The following SLC28A1 variants were observed in gnomAD, a reference collection of about 807,000 sequenced individuals.
SLC28A1 encodes the protein solute carrier family 28 member 1, also known as sodium/nucleoside cotransporter 1.
A neutral mutation model predicts 74.8 loss-of-function variants in SLC28A1; 64 were observed. That is an observed-to-expected ratio of 0.86 (90% CI 0.70 to 1.05). The LOEUF (loss-of-function observed/expected upper bound fraction) is 1.05, where lower values mean the gene tolerates loss of function less well. Ranked by LOEUF, SLC28A1 falls within the 50% of genes least tolerant of loss-of-function variation. The pLI is 0.00. For synonymous variants in SLC28A1, 359 were observed against 335.0 expected, an observed-to-expected ratio of 1.07 and a Z score of -0.78; for missense variants, 828 against 822.8, an observed-to-expected ratio of 1.01 and a Z score of -0.08.
At chr15:84,938,758 A>T (rs990701197) in intron 15 of SLC28A1, among the ~76,000 whole-genome samples, 1 of 152,150 alleles carries the variant, frequency 6.6e-6, no homozygotes, top group African/African-American at 2.4e-5. Context: ...AACAAGAAAA[A>T]AAAAAACAGG....
rs533502198 is a variant in SLC28A1 at position 84,945,255 on chromosome 15, C to A, written c.*55C>A. On this transcript the variant is annotated 3_prime_UTR_variant, in exon 19 of 19. Coordinates refer to ENST00000394573, the MANE Select transcript of SLC28A1 (RefSeq NM_004213.5). ...CTGAGGGCTGTTCTCCCCCGGGAACCATCTGTCCCCACCTTCCCTTTCCCA... is the reference window on the plus strand; with the variant it reads ...CTGAGGGCTGTTCTCCCCCGGGAACAATCTGTCCCCACCTTCCCTTTCCCA... 2.0e-6 allele frequency: 3 copies of A among 1,518,534 alleles called. No homozygotes were observed. The South Asian group carries it at 3.4e-5, about 17-fold the overall frequency. 94.1% of individuals were successfully genotyped at this position (1,518,534 alleles called of 1,614,324 possible).
At chr15:84,916,630 A>T (rs1004954769) in intron 9 of SLC28A1, among the ~76,000 whole-genome samples, 1 of 152,176 alleles carries the variant, frequency 6.6e-6, no homozygotes, top group Non-Finnish European at 1.5e-5. Context: ...CCCACTTGGT[A>T]TTCCACAGGC....
chr15:84,967,458 C>G, the SLC28A1 span, among the ~76,000 whole-genome samples: 3 of 152,246 alleles, frequency 2.0e-5, no homozygotes, highest in Non-Finnish European at 4.4e-5. Flanking sequence ...GCCTGACCCC[C>G]TGTCATGCTC....
the SLC28A1 span, among the ~76,000 whole-genome samples, chr15:84,955,489 TCG>T: frequency 2.6e-5 from 4 of 152,134 alleles, no homozygotes; most frequent in Non-Finnish European, 4.4e-5. Flanking sequence ...CTTGGAACAC[TCG>T]CGCTGCAGTC....
intron 6 of SLC28A1, among the ~76,000 whole-genome samples, chr15:84,900,871 C>CAAGGAAGGAAGGAAGGAAGGAAGG (rs60285824): frequency 8.7e-4 from 127 of 146,468 alleles, no homozygotes; most frequent in Middle Eastern, 3.4e-3. Flanking sequence ...GGGTGAAAGG[C>CAAGGAAGGAAGGAAGGAAGGAAGG]AAGGAAGGAA....
In SLC28A1 at chr15:84,928,642, G is replaced by A. The variant is rs543316426; in HGVS notation, c.1084-4503G>A. On this transcript the variant is annotated intron_variant, in intron 12 of 18. Transcript: ENST00000394573. Reference sequence around the variant, plus strand: ...TTTCTTTCTTTCTTTCTTTTTTTTTGAGACAGAGTCTCCCTCTGTCGCCCA... The same window carrying A: ...TTTCTTTCTTTCTTTCTTTTTTTTTAAGACAGAGTCTCCCTCTGTCGCCCA... Among the ~76,000 whole-genome samples, 123 of 75,326 alleles carry A rather than the reference G, an allele frequency of 1.6e-3. 3 individuals are homozygous for A. The highest frequency in any genetic ancestry group is 6.2e-3 in the African/African-American group (115 of 18,688). 49.4% of individuals were successfully genotyped at this position (75,326 alleles called of 152,430 possible).
intron 10 of SLC28A1, 116 bp from the exon 11 acceptor site, chr15:84,920,873 G>A: frequency 3.7e-6 from 3 of 805,758 alleles, no homozygotes; most frequent in Non-Finnish European, 6.6e-6. Flanking sequence ...TAGATGAAGG[G>A]GTCCTACACT....
chr15:84,899,540 A>T (rs1411266414), intron 6 of SLC28A1, among the ~76,000 whole-genome samples: 1 of 152,232 alleles, frequency 6.6e-6, no homozygotes, highest in Non-Finnish European at 1.5e-5. Context: ...AGAGGAGCAG[A>T]AATGGATTAC....
At chr15:84,918,701 C>T (rs1330728936) in intron 10 of SLC28A1, 97 bp downstream of exon 10, 7 of 914,974 alleles carry the variant, frequency 7.7e-6, no homozygotes, top group African/African-American at 4.9e-5. Flanking sequence ...GCCCAAACCT[C>T]CCCAGACACA....
intron 6 of SLC28A1, 33 bp from the exon 7 acceptor site, chr15:84,904,064 T>C: frequency 6.2e-7 from 1 of 1,614,084 alleles, no homozygotes; most frequent in Non-Finnish European, 8.5e-7. Context: ...GGTGCAATGC[T>C]GAGGGTAATG....
Position 84,945,330 on chromosome 15 carries a change from A to C in SLC28A1, c.*130A>C. On this transcript the variant is annotated 3_prime_UTR_variant, in exon 19 of 19. Coordinates refer to ENST00000394573, the MANE Select transcript of SLC28A1 (RefSeq NM_004213.5). The stretch of plus-strand genomic sequence containing the variant: ...GACTTAGACCCAGCTCAATCCCACA[A>C]TTGGGAAGGGTTCATGGAGTGAGTG... 14 of 807,730 alleles carry C rather than the reference A, an allele frequency of 1.7e-5. No homozygotes were observed. Among genetic ancestry groups the C allele is most frequent in the East Asian group, 5.3e-5 (2 of 37,674 alleles). The allele number at this position is 807,730 out of a possible 1,614,324, so 50.0% of individuals were successfully genotyped here.
the SLC28A1 span, among the ~76,000 whole-genome samples, chr15:84,966,790 A>G: frequency 6.6e-6 from 1 of 152,140 alleles, no homozygotes; most frequent in Non-Finnish European, 1.5e-5. Context: ...GACCTGCCCC[A>G]TGATTCAATT....
chr15:84,970,852 A>AAAAAC, the SLC28A1 span, among the ~76,000 whole-genome samples: 1 of 152,114 alleles, frequency 6.6e-6, no homozygotes, highest in African/African-American at 2.4e-5. Context: ...AACAAAAACA[A>AAAAAC]AAAACAAAAC....
chr15:84,955,448 C>G, the SLC28A1 span, among the ~76,000 whole-genome samples: 1 of 152,212 alleles, frequency 6.6e-6, no homozygotes, highest in Non-Finnish European at 1.5e-5. Flanking sequence ...AGTAAAGTAG[C>G]AAAGTCATGA....
In SLC28A1 at chr15:84,888,430, GGGTGCATGGTGCCCT is replaced by G. The variant is rs1219556398; in HGVS notation, c.97-340_97-326del. On this transcript the variant is annotated intron_variant, in intron 3 of 18. Transcript: ENST00000394573. ...CACCCAAAACAGCTCCACAGACGGT[GGGTGCATGGTGCCCT>G]GAGGTCATGTGATGAGGTAGCCCTG... 1.0e-4 allele frequency among the ~76,000 whole-genome samples: 15 copies of G among 150,400 alleles called. 1 individual carries two copies. The highest frequency in any genetic ancestry group is 2.6e-4 in the Admixed American group (4 of 15,126).
chr15:84,927,575 A>G (rs1030921919), intron 12 of SLC28A1, among the ~76,000 whole-genome samples: 3 of 152,180 alleles, frequency 2.0e-5, no homozygotes, highest in African/African-American at 7.2e-5. Context: ...ACTCAAACAA[A>G]GTAGGTCAGA....
chr15:84,910,259 C>G (rs1967944893), intron 9 of SLC28A1, among the ~76,000 whole-genome samples: 1 of 152,194 alleles, frequency 6.6e-6, no homozygotes, highest in African/African-American at 2.4e-5. Flanking sequence ...CTATGTCAGC[C>G]CCGCAAAGGC....
intron 6 of SLC28A1, among the ~76,000 whole-genome samples, chr15:84,899,808 G>A (rs1195892458): frequency 6.6e-6 from 1 of 152,042 alleles, no homozygotes; most frequent in Non-Finnish European, 1.5e-5. Context: ...AAGGAGGATC[G>A]CTTCAGCTTG....
intron 12 of SLC28A1, among the ~76,000 whole-genome samples, chr15:84,932,752 A>G (rs1159469731): frequency 6.6e-6 from 1 of 152,236 alleles, no homozygotes; most frequent in East Asian, 1.9e-4. Context: ...AACGGGGATT[A>G]GTGGTCAACA....
Sources: gnomAD v4.1 joint callset for allele counts (sites outside exome capture counted in the v4.1 genomes callset) on GRCh38, gnomAD v4.1.1 for gene constraint, MANE v1.5 for transcripts, NCBI Gene and HGNC (gene_info 2026-07-23, HGNC 2026-07-21) for gene names.